Variants in FSTL4 observed in about 807,000 individuals in gnomAD.
FSTL4 encodes follistatin-related protein 4.
FSTL4 carries 28 observed loss-of-function variants against 78.2 expected under a neutral mutation model. The ratio of observed to expected loss-of-function variants is 0.36; its 90% CI spans 0.27 to 0.49. The LOEUF is 0.49. Ranked by LOEUF, FSTL4 falls within the 20% of genes least tolerant of loss-of-function variation. The pLI is 0.98. For synonymous variants in FSTL4, 422 were observed against 440.5 expected (o/e 0.96, Z 0.53); for missense variants, 922 against 1,084.9 (o/e 0.85, Z 2.11).
chr5:133,785,549 C>A, the FSTL4 span, among the ~76,000 whole-genome samples: 1 of 152,150 alleles, frequency 6.6e-6, no homozygotes, highest in African/African-American at 2.4e-5. Context: ...AGTTTGGGGG[C>A]AAGCACTTGT....
chr5:133,216,547 C>T (rs370575894), intron 13 of FSTL4, among the ~76,000 whole-genome samples: 173 of 152,318 alleles, frequency 1.1e-3, no homozygotes, highest in African/African-American at 4.0e-3. Context: ...GACGGGGTTT[C>T]ACCACATTGG....
At chr5:133,839,363 A>G in the FSTL4 span, among the ~76,000 whole-genome samples, 1 of 152,248 alleles carries the variant, frequency 6.6e-6, no homozygotes, top group African/African-American at 2.4e-5. Context: ...CGCTGTTTGT[A>G]CAAGATAAGA....
At chr5:133,688,528 C>T in the FSTL4 span, among the ~76,000 whole-genome samples, 1 of 152,214 alleles carries the variant, frequency 6.6e-6, no homozygotes, top group Non-Finnish European at 1.5e-5. Flanking sequence ...GGTGCTTTGT[C>T]ATTGACTTGA....
At chr5:133,215,715 C>A (rs902361294) in intron 13 of FSTL4, among the ~76,000 whole-genome samples, 1 of 152,208 alleles carries the variant, frequency 6.6e-6, no homozygotes, top group African/African-American at 2.4e-5. Flanking sequence ...GAAACCAGCA[C>A]TCCTTCTAGA....
intron 2 of FSTL4, among the ~76,000 whole-genome samples, chr5:133,586,163 G>A (rs1760514908): frequency 1.3e-5 from 1 of 74,152 alleles, no homozygotes; most frequent in Admixed American, 1.6e-4. Context: ...AGCACTAAAT[G>A]CCTACAAGAG....
At chr5:133,254,746 T>C (rs553412530) in intron 6 of FSTL4, among the ~76,000 whole-genome samples, 2 of 152,332 alleles carry the variant, frequency 1.3e-5, no homozygotes, top group Admixed American at 1.3e-4. Context: ...TGGAGAGTGA[T>C]GGGGGCAGCT....
chr5:133,199,268 G>C lies in FSTL4; in HGVS notation c.2356C>G (p.Gln786Glu). The C allele has an allele frequency of 3.1e-6, 5 of 1,613,926 alleles. No homozygotes were observed. The highest frequency in any genetic ancestry group is 4.2e-6 in the Non-Finnish European group (5 of 1,179,800). ...NLKEPPAGPA[Q>E]PWGGTHRIMR... ...ATTCTGTGGGTACCCCCCCAGGGCT[G>C]AGCTGGCCCTGCGGGTGGCTCCTTT... The change falls in exon 16 of 16, where the codon CAG becomes GAG. Residue 786 changes from glutamine (Q) to glutamate (E), a missense_variant. By Grantham distance (29) the Gln-to-Glu change is conservative. Transcript: ENST00000265342. This position sits in a 1 kb window ranked among gnomAD's most constrained non-coding sequence, Gnocchi z 4.4.
chr5:133,731,495 C>T, the FSTL4 span, among the ~76,000 whole-genome samples: 1 of 152,142 alleles, frequency 6.6e-6, no homozygotes, highest in African/African-American at 2.4e-5. Context: ...ACACATGGTC[C>T]AGTTCTCTTT....
chr5:133,798,129 C>G, the FSTL4 span, among the ~76,000 whole-genome samples: 1 of 152,354 alleles, frequency 6.6e-6, no homozygotes, highest in East Asian at 1.9e-4. Flanking sequence ...TCTGTGAGCA[C>G]GGGCCCATCC....
At chr5:133,349,918 T>G (rs548394483) in intron 4 of FSTL4, among the ~76,000 whole-genome samples, 2 of 145,386 alleles carry the variant, frequency 1.4e-5, no homozygotes, top group Admixed American at 6.8e-5. Flanking sequence ...ATGTTTGTCA[T>G]GCTGCCATGC....
At chr5:133,279,199 G>A (rs1462053006) in intron 6 of FSTL4, among the ~76,000 whole-genome samples, 5 of 152,266 alleles carry the variant, frequency 3.3e-5, no homozygotes, top group African/African-American at 1.2e-4. Context: ...CCTGTTAGGA[G>A]CCGGGCTGCA....
chr5:133,233,877 T>C (rs939098257), intron 7 of FSTL4, among the ~76,000 whole-genome samples: 8 of 152,168 alleles, frequency 5.3e-5, no homozygotes, highest in African/African-American at 1.9e-4. Flanking sequence ...GCCTGCTTGA[T>C]TCTCAGGGGT....
intron 3 of FSTL4, among the ~76,000 whole-genome samples, chr5:133,407,249 ACCTGGCCATTAAGCC>A (rs1756384986): frequency 6.6e-6 from 1 of 152,182 alleles, no homozygotes; most frequent in South Asian, 2.1e-4. Context: ...ATGCATGGAC[ACCTGGCCATTAAGCC>A]CCTTACCTCC....
At chr5:133,645,900 C>A in the FSTL4 span, among the ~76,000 whole-genome samples, 4 of 152,172 alleles carry the variant, frequency 2.6e-5, no homozygotes, top group East Asian at 1.9e-4. Context: ...TGAACTGGGA[C>A]TAACTGGGTG....
At chr5:133,295,066 C>T (rs1312865901) in intron 6 of FSTL4, among the ~76,000 whole-genome samples, 1 of 152,170 alleles carries the variant, frequency 6.6e-6, no homozygotes, top group African/African-American at 2.4e-5. Context: ...CCAAAGATCA[C>T]TCCGCCTCCT....
the FSTL4 span, among the ~76,000 whole-genome samples, chr5:133,719,131 A>T: frequency 1.3e-5 from 2 of 152,196 alleles, no homozygotes; most frequent in Non-Finnish European, 2.9e-5. Context: ...TACAAGTCAG[A>T]GTAGTAATTA....
intron 3 of FSTL4, among the ~76,000 whole-genome samples, chr5:133,537,481 T>C (rs1457708291): frequency 6.6e-6 from 1 of 152,188 alleles, no homozygotes; most frequent in African/African-American, 2.4e-5. Flanking sequence ...TTAGTTATCC[T>C]AGTAATGTAT....
intron 2 of FSTL4, among the ~76,000 whole-genome samples, chr5:133,592,258 G>A (rs1467842853): frequency 4.6e-5 from 7 of 152,272 alleles, no homozygotes; most frequent in South Asian, 4.2e-4. Context: ...TGCATTCGCC[G>A]CTCACCATTG....
chr5:133,214,164 T>C (rs1750831371), intron 13 of FSTL4, among the ~76,000 whole-genome samples: 1 of 152,176 alleles, frequency 6.6e-6, no homozygotes, highest in Non-Finnish European at 1.5e-5. Context: ...AACAATACAA[T>C]GAACCAAGTA....
Sources: allele counts gnomAD v4.1 joint callset (sites outside exome capture counted in the v4.1 genomes callset), GRCh38; gene constraint gnomAD v4.1.1; non-coding constraint Gnocchi (gnomAD v3.1); transcripts MANE v1.5; gene names NCBI Gene and HGNC (gene_info 2026-07-23, HGNC 2026-07-21).